Variants in XKR4 observed in about 807,000 individuals in gnomAD.
XKR4 encodes XK related 4, also known as XK-related protein 4.
In XKR4, 12 loss-of-function variants were observed where a neutral mutation model predicts 53.9. That is an observed-to-expected ratio of 0.22 (90% CI 0.14 to 0.36). The LOEUF (loss-of-function observed/expected upper bound fraction) is 0.36. Among genes scored for constraint, XKR4 ranks in the 10% least tolerant of loss-of-function variants. The pLI is 1.00. For synonymous variants in XKR4, 354 were observed against 362.4 expected, an observed-to-expected ratio of 0.98 and a Z score of 0.26; for missense variants, 799 against 859.5, an observed-to-expected ratio of 0.93 and a Z score of 0.88.
At chr8:55,247,855 C>CTTTTTTT (rs1166258777) in intron 1 of XKR4, among the ~76,000 whole-genome samples, 1 of 59,854 alleles carries the variant, frequency 1.7e-5, no homozygotes, top group Admixed American at 1.7e-4. Context: ...TTCTTTCTTT[C>CTTTTTTT]TTTTTTTTTT....
chr8:55,179,958 C>T (rs1585922839), intron 1 of XKR4, among the ~76,000 whole-genome samples: 1 of 152,048 alleles, frequency 6.6e-6, no homozygotes, highest in Admixed American at 6.5e-5. Flanking sequence ...TCTAGCAGAA[C>T]CTAGAATAAC....
intron 1 of XKR4, among the ~76,000 whole-genome samples, chr8:55,304,054 T>A (rs1042741416): frequency 3.3e-5 from 5 of 152,238 alleles, no homozygotes; most frequent in African/African-American, 1.2e-4. Context: ...TGAATGTGTT[T>A]GCTTCTTGCT....
chr8:55,445,047 T>TTTTTTG lies in XKR4; in HGVS notation c.1007-78211_1007-78206dup, dbSNP rs937529417. 3.6e-4 allele frequency among the ~76,000 whole-genome samples: 55 copies of TTTTTTG among 152,284 alleles called. 1 individual carries two copies. Among genetic ancestry groups the TTTTTTG allele is most frequent in the African/African-American group, 1.1e-3 (46 of 41,556 alleles). On this transcript the variant is annotated intron_variant, in intron 2 of 2. Coordinates refer to ENST00000327381, the MANE Select transcript of XKR4 (RefSeq NM_052898.2). ...CTATATTGACATGTATGAATTTTGT[T>TTTTTTG]TTTTTGTTTTTGTTTTTGTTTTTGT...
At chr8:55,123,017 C>G (rs150799511) in intron 1 of XKR4, among the ~76,000 whole-genome samples, 2 of 152,304 alleles carry the variant, frequency 1.3e-5, no homozygotes, top group East Asian at 3.9e-4. Flanking sequence ...TTGGCTTGCA[C>G]TTCTTTCCTA....
intron 1 of XKR4, among the ~76,000 whole-genome samples, chr8:55,221,190 T>C (rs1402232609): frequency 6.6e-6 from 1 of 152,250 alleles, no homozygotes; most frequent in Non-Finnish European, 1.5e-5. Flanking sequence ...CTAGGTTTTT[T>C]CTTACTTTTA....
At chr8:55,275,897 C>G (rs1047858909) in intron 1 of XKR4, among the ~76,000 whole-genome samples, 22 of 152,194 alleles carry the variant, frequency 1.4e-4, no homozygotes, top group Middle Eastern at 3.2e-3. Flanking sequence ...GGGACTGTCC[C>G]ACCTGGGCCA....
chr8:55,170,186 A>G (rs1000912613), intron 1 of XKR4, among the ~76,000 whole-genome samples: 2 of 152,178 alleles, frequency 1.3e-5, no homozygotes, highest in Non-Finnish European at 2.9e-5. Flanking sequence ...TGGGCAGAAT[A>G]ACGGGCCCCC....
intron 1 of XKR4, among the ~76,000 whole-genome samples, chr8:55,195,630 G>C (rs1229174175): frequency 2.0e-5 from 3 of 151,952 alleles, no homozygotes; most frequent in Non-Finnish European, 4.4e-5. Flanking sequence ...TCAGATATTT[G>C]GAAACCATTG....
chr8:55,131,119 A>G (rs1267348613), intron 1 of XKR4, among the ~76,000 whole-genome samples: 1 of 151,850 alleles, frequency 6.6e-6, no homozygotes, highest in Admixed American at 6.6e-5. Flanking sequence ...AGATCACACC[A>G]TTGCACTCCA....
chr8:55,404,254 TAGATGAC>T (rs1213689117), intron 2 of XKR4, among the ~76,000 whole-genome samples: 1 of 152,216 alleles, frequency 6.6e-6, no homozygotes, highest in East Asian at 1.9e-4. Context: ...GATAGGTAGA[TAGATGAC>T]AGATGACAGA....
intron 2 of XKR4, among the ~76,000 whole-genome samples, chr8:55,376,886 CTCTCTCTG>C (rs1174372827): frequency 6.6e-6 from 1 of 151,942 alleles, no homozygotes; most frequent in African/African-American, 2.4e-5. Context: ...CTCTCTCTCT[CTCTCTCTG>C]TCTCTCTGTC....
At chr8:55,365,315 G>A (rs1382281564) in intron 2 of XKR4, among the ~76,000 whole-genome samples, 1 of 152,240 alleles carries the variant, frequency 6.6e-6, no homozygotes, top group Non-Finnish European at 1.5e-5. Context: ...CTTTGTTGTA[G>A]TATGGCAGAT....
intron 1 of XKR4, among the ~76,000 whole-genome samples, chr8:55,162,627 A>G (rs760739581): frequency 2.6e-5 from 4 of 152,222 alleles, no homozygotes; most frequent in Non-Finnish European, 4.4e-5. Flanking sequence ...CCAGGGTTCC[A>G]AAATCCCTGT....
rs112548840 is a variant in XKR4 at position 55,292,245 on chromosome 8, T to C, written c.807-65433T>C. On this transcript the variant is annotated intron_variant, in intron 1 of 2. Transcript: ENST00000327381. ...ATTTTGGAAGAGTGTATAGAGTTTA[T>C]GTTAATTATTCAAACCAAGCCAATA... Among the ~76,000 whole-genome samples, 350 of 152,268 alleles carry C rather than the reference T, an allele frequency of 2.3e-3. 1 individual carries two copies. The highest frequency in any genetic ancestry group is 7.8e-3 in the African/African-American group (326 of 41,562).
At chr8:55,361,172 G>A (rs186209978) in intron 2 of XKR4, among the ~76,000 whole-genome samples, 61 of 152,332 alleles carry the variant, frequency 4.0e-4, no homozygotes, top group Admixed American at 1.1e-3. Flanking sequence ...TACCTGCACA[G>A]GTAGTGCTCA....
intron 2 of XKR4, chr8:55,454,486 G>C: frequency 8.3e-7 from 1 of 1,208,674 alleles, no homozygotes. Flanking sequence ...GGGTGGCACA[G>C]ACCAAAGACA....
At chr8:55,226,830 A>G (rs1157152037) in intron 1 of XKR4, among the ~76,000 whole-genome samples, 2 of 152,168 alleles carry the variant, frequency 1.3e-5, no homozygotes, top group East Asian at 1.9e-4. Context: ...ATCTTCCTCA[A>G]ACACGAGTCT....
intron 2 of XKR4, among the ~76,000 whole-genome samples, chr8:55,413,200 T>C (rs1272262064): frequency 6.6e-6 from 1 of 152,206 alleles, no homozygotes; most frequent in Non-Finnish European, 1.5e-5. Flanking sequence ...CTATTGATCC[T>C]ACGACAGACA....
At chr8:55,361,789 C>T (rs1028891677) in intron 2 of XKR4, among the ~76,000 whole-genome samples, 5 of 152,106 alleles carry the variant, frequency 3.3e-5, no homozygotes, top group African/African-American at 1.2e-4. Context: ...TGAAAATGTT[C>T]CCATTTCTCT....
Sources: gnomAD v4.1 joint callset for allele counts (sites outside exome capture counted in the v4.1 genomes callset) on GRCh38, gnomAD v4.1.1 for gene constraint, MANE v1.5 for transcripts, NCBI Gene and HGNC (gene_info 2026-07-23, HGNC 2026-07-21) for gene names.